Variants in ABI2 observed in about 807,000 individuals in gnomAD.
ABI2 encodes abl interactor 2.
ABI2 carries 25 observed loss-of-function variants against 59.2 expected under a neutral mutation model. The ratio of observed to expected loss-of-function variants is 0.42; its 90% CI spans 0.31 to 0.59. The LOEUF is 0.59. ABI2 is among the 20% of genes least tolerant of loss of function. The pLI is 0.14. For missense variants in ABI2, 545 were observed against 681.8 expected (o/e 0.80, Z 2.23); for synonymous variants, 213 against 235.5 (o/e 0.90, Z 0.87).
intron 8 of ABI2, among the ~76,000 whole-genome samples, chr2:203,401,092 T>TC (rs2097199525): frequency 6.6e-6 from 1 of 152,024 alleles, no homozygotes; most frequent in African/African-American, 2.4e-5. Flanking sequence ...GTTCCTCCAG[T>TC]CCCCCCTCCT....
intron 4 of ABI2, among the ~76,000 whole-genome samples, chr2:203,383,940 A>G (rs1475700784): frequency 6.6e-6 from 1 of 152,044 alleles, no homozygotes; most frequent in Non-Finnish European, 1.5e-5. Context: ...TATACTTTTC[A>G]GACAGTCTCC....
At chr2:203,391,685 G>C (rs976957879) in intron 5 of ABI2, among the ~76,000 whole-genome samples, 3 of 151,952 alleles carry the variant, frequency 2.0e-5, no homozygotes, top group Admixed American at 6.6e-5. Flanking sequence ...GCTGGGTGTG[G>C]TGGCATGCAC....
chr2:203,330,392 C>CAA (rs35505933), intron 1 of ABI2, among the ~76,000 whole-genome samples: 59 of 115,806 alleles, frequency 5.1e-4, no homozygotes, highest in African/African-American at 1.7e-3. Flanking sequence ...GACTACATAT[C>CAA]AAAAAAAAAA....
chr2:203,388,186 G>A (rs12233048), intron 4 of ABI2, among the ~76,000 whole-genome samples: 4,713 of 152,062 alleles, frequency 0.031, 139 homozygotes, highest in East Asian at 0.092. Flanking sequence ...TTTTTCACAC[G>A]GGAAAAGCTG....
intron 4 of ABI2, among the ~76,000 whole-genome samples, chr2:203,383,025 C>T (rs2096238786): frequency 6.6e-6 from 1 of 152,084 alleles, no homozygotes. Context: ...GCCTAAAATA[C>T]AAGGTTACTA....
intron 10 of ABI2, among the ~76,000 whole-genome samples, chr2:203,414,352 T>G (rs2097800233): frequency 6.6e-6 from 1 of 152,178 alleles, no homozygotes; most frequent in Non-Finnish European, 1.5e-5. Flanking sequence ...TCCTCCTGCC[T>G]CAGCCTCCCA....
intron 4 of ABI2, among the ~76,000 whole-genome samples, chr2:203,389,640 T>C (rs1414761095): frequency 6.6e-6 from 1 of 152,240 alleles, no homozygotes; most frequent in Admixed American, 6.5e-5. Context: ...ACTCTAGCCA[T>C]ATTATTTTTA....
At chr2:203,342,193 A>C (rs897880574) in intron 1 of ABI2, 9 of 456,140 alleles carry the variant, frequency 2.0e-5, no homozygotes, top group African/African-American at 1.4e-4. Context: ...TCGTTCAAAA[A>C]TAGTTATTGA....
intron 1 of ABI2, among the ~76,000 whole-genome samples, chr2:203,332,494 G>A (rs570820512): frequency 3.9e-5 from 6 of 152,058 alleles, no homozygotes; most frequent in African/African-American, 7.2e-5. Context: ...CTATGGTGGC[G>A]TGTGCCTGTA....
intron 8 of ABI2, among the ~76,000 whole-genome samples, 187 bp from the exon 9 acceptor site, chr2:203,402,389 G>C (rs1347042356): frequency 6.6e-6 from 1 of 152,072 alleles, no homozygotes; most frequent in African/African-American, 2.4e-5. Context: ...ATTTTTGTTT[G>C]CTTTTCTGCT....
intron 10 of ABI2, among the ~76,000 whole-genome samples, chr2:203,414,468 C>T (rs1394498144): frequency 6.6e-6 from 1 of 152,122 alleles, no homozygotes; most frequent in Non-Finnish European, 1.5e-5. Context: ...CCCTCTTCCT[C>T]CCCATTAACT....
chr2:203,340,860 T>C (rs564466930), intron 1 of ABI2, among the ~76,000 whole-genome samples: 21 of 152,042 alleles, frequency 1.4e-4, no homozygotes, highest in African/African-American at 5.1e-4. Flanking sequence ...ACCAAAACAA[T>C]ATTGCCTGCA....
At chr2:203,402,305 G>A (rs1425983261) in intron 8 of ABI2, among the ~76,000 whole-genome samples, 1 of 152,132 alleles carries the variant, frequency 6.6e-6, no homozygotes, top group Admixed American at 6.5e-5. Context: ...AAAGTGCTGG[G>A]ATTACAGGCA....
At chr2:203,345,642 C>A (rs1489168423) in intron 1 of ABI2, among the ~76,000 whole-genome samples, 4 of 151,958 alleles carry the variant, frequency 2.6e-5, no homozygotes, top group East Asian at 2.0e-4. Context: ...CTCCTGACTT[C>A]AGGTGATCCA....
At chr2:203,378,503 G>A (rs961229652) in intron 2 of ABI2, among the ~76,000 whole-genome samples, 5 of 152,082 alleles carry the variant, frequency 3.3e-5, no homozygotes, top group Non-Finnish European at 7.4e-5. Context: ...CGTTAGCTCT[G>A]GAACATATAG....
At chr2:203,401,869 GTC>G (rs1333900329) in intron 8 of ABI2, among the ~76,000 whole-genome samples, 1 of 152,036 alleles carries the variant, frequency 6.6e-6, no homozygotes, top group Non-Finnish European at 1.5e-5. Flanking sequence ...AAGACTGTGT[GTC>G]AAACATTTTT....
At chr2:203,371,929 AT>A (rs1413665815) in intron 2 of ABI2, among the ~76,000 whole-genome samples, 1 of 150,958 alleles carries the variant, frequency 6.6e-6, no homozygotes, top group African/African-American at 2.4e-5. Flanking sequence ...TTTTTATTTT[AT>A]TTATTTATTT....
At chr2:203,340,472 T>G (rs888110042) in intron 1 of ABI2, among the ~76,000 whole-genome samples, 13 of 152,086 alleles carry the variant, frequency 8.5e-5, no homozygotes, top group African/African-American at 3.1e-4. Context: ...GCTCAAGTGA[T>G]GCTCCCACCT....
At chr2:203,333,009 G>A (rs1332550569) in intron 1 of ABI2, among the ~76,000 whole-genome samples, 3 of 152,134 alleles carry the variant, frequency 2.0e-5, no homozygotes, top group African/African-American at 4.8e-5. Context: ...AACAATAGGA[G>A]ACATATTAGT....
Sources: gnomAD v4.1 joint callset for allele counts (sites outside exome capture counted in the v4.1 genomes callset) on GRCh38, gnomAD v4.1.1 for gene constraint, MANE v1.5 for transcripts, NCBI Gene and HGNC (gene_info 2026-07-23, HGNC 2026-07-21) for gene names.